DCAF8L2: variants seen among roughly 807,000 people sequenced by gnomAD.
The protein encoded by DCAF8L2 is DDB1- and CUL4-associated factor 8-like protein 2.
For missense variants in DCAF8L2, 430 were observed against 490.7 expected (o/e 0.88, Z 1.17); for synonymous variants, 200 against 190.9 (o/e 1.05, Z -0.39).
intron 4 of DCAF8L2, among the ~76,000 whole-genome samples, chrX:27,737,594 C>A (rs1402613345): frequency 1.8e-5 from 2 of 111,801 alleles, no homozygotes; most frequent in African/African-American, 6.5e-5. Flanking sequence ...CTATGTCTAC[C>A]CCAAAACAGT....
intron 3 of DCAF8L2, among the ~76,000 whole-genome samples, chrX:27,680,230 A>G (rs947280357): frequency 2.7e-5 from 3 of 111,436 alleles, no homozygotes; most frequent in African/African-American, 9.8e-5. Flanking sequence ...ACAGAGCCTA[A>G]GAGTCGTCAT....
the DCAF8L2 span, among the ~76,000 whole-genome samples, chrX:27,476,609 A>G: frequency 1.8e-5 from 2 of 111,568 alleles, no homozygotes; most frequent in Non-Finnish European, 3.8e-5. Flanking sequence ...TTTTCACTCT[A>G]TGTGAATGTG....
intron 4 of DCAF8L2, among the ~76,000 whole-genome samples, chrX:27,733,914 A>C (rs1921373126): frequency 8.9e-6 from 1 of 111,904 alleles, no homozygotes; most frequent in Admixed American, 9.6e-5. Context: ...TACAACATTA[A>C]CAGAATAAAA....
At chrX:27,479,479 T>C in the DCAF8L2 span, among the ~76,000 whole-genome samples, 1 of 111,795 alleles carries the variant, frequency 8.9e-6, no homozygotes, top group African/African-American at 3.3e-5. Context: ...AATAGGTAAC[T>C]AATAAAGTCC....
At chrX:27,715,307 C>T (rs1319578336) in intron 3 of DCAF8L2, among the ~76,000 whole-genome samples, 2 of 100,205 alleles carry the variant, frequency 2.0e-5, no homozygotes, top group African/African-American at 7.7e-5. Context: ...GCGGAGCTTG[C>T]AGTGAGCCAA....
chrX:27,597,010 G>A (rs1447528763), intron 1 of DCAF8L2, among the ~76,000 whole-genome samples: 2 of 111,335 alleles, frequency 1.8e-5, no homozygotes, highest in Non-Finnish European at 3.8e-5. Flanking sequence ...GAACATTTTT[G>A]TGAGCATAAG....
intron 3 of DCAF8L2, among the ~76,000 whole-genome samples, chrX:27,701,576 T>A (rs1212066271): frequency 1.8e-5 from 2 of 110,600 alleles, no homozygotes; most frequent in Non-Finnish European, 3.8e-5. Flanking sequence ...ATATGAGAAA[T>A]CAATAAACAT....
At chrX:27,653,096 G>A (rs1929210014) in intron 2 of DCAF8L2, among the ~76,000 whole-genome samples, 2 of 111,726 alleles carry the variant, frequency 1.8e-5, no homozygotes, top group African/African-American at 6.5e-5. Context: ...GAGACCAGCT[G>A]TATGATATTT....
intron 3 of DCAF8L2, among the ~76,000 whole-genome samples, chrX:27,684,506 G>A (rs779777617): frequency 1.8e-5 from 2 of 111,822 alleles, no homozygotes; most frequent in South Asian, 3.7e-4. Context: ...ACAGGTGGAT[G>A]ATAAAAAAGA....
chrX:27,516,390 A>T, the DCAF8L2 span, among the ~76,000 whole-genome samples: 1 of 110,864 alleles, frequency 9.0e-6, no homozygotes, highest in Non-Finnish European at 1.9e-5. Context: ...TACTAAAATG[A>T]TTATGTAACT....
intron 4 of DCAF8L2, among the ~76,000 whole-genome samples, chrX:27,725,527 A>G (rs1225373844): frequency 9.0e-6 from 1 of 110,511 alleles, no homozygotes; most frequent in Admixed American, 9.7e-5. Flanking sequence ...CATTTTAACA[A>G]CATAATATAT....
At chrX:27,577,224 A>G in the DCAF8L2 span, among the ~76,000 whole-genome samples, 2 of 112,187 alleles carry the variant, frequency 1.8e-5, no homozygotes, top group African/African-American at 3.2e-5. Context: ...GTCAATTACA[A>G]TTAGAAAAGC....
At chrX:27,724,030 T>C (rs1157686532) in intron 4 of DCAF8L2, among the ~76,000 whole-genome samples, 1 of 110,838 alleles carries the variant, frequency 9.0e-6, no homozygotes, top group East Asian at 2.8e-4. Flanking sequence ...TATTTGCATA[T>C]ATTTGTATTA....
chrX:27,528,889 A>G, the DCAF8L2 span, among the ~76,000 whole-genome samples: 375 of 111,670 alleles, frequency 3.4e-3, 3 homozygotes, highest in African/African-American at 0.011. Context: ...AAAGTGCTAT[A>G]ACAACTAGTG....
chrX:27,502,322 A>AG, the DCAF8L2 span, among the ~76,000 whole-genome samples: 5 of 24,004 alleles, frequency 2.1e-4, no homozygotes, highest in African/African-American at 9.3e-4. Flanking sequence ...CTCTGTAAAA[A>AG]AAAAAAAAAA....
At chrX:27,705,404 C>T (rs780010516) in intron 3 of DCAF8L2, among the ~76,000 whole-genome samples, 1 of 111,820 alleles carries the variant, frequency 8.9e-6, no homozygotes, top group Admixed American at 9.5e-5. Context: ...TTTTACATTT[C>T]CACAAGCAAA....
the DCAF8L2 span, among the ~76,000 whole-genome samples, chrX:27,528,193 G>A: frequency 2.9e-5 from 3 of 105,228 alleles, no homozygotes; most frequent in Non-Finnish European, 5.8e-5. Flanking sequence ...AATGAAGAAT[G>A]GAAATGTAAT....
the DCAF8L2 span, among the ~76,000 whole-genome samples, chrX:27,482,796 C>T: frequency 1.8e-5 from 2 of 111,643 alleles, no homozygotes; most frequent in Non-Finnish European, 3.8e-5. Flanking sequence ...ATTCTAAACT[C>T]TTTTCTCTTT....
At chrX:27,549,633 G>A in the DCAF8L2 span, among the ~76,000 whole-genome samples, 1 of 111,574 alleles carries the variant, frequency 9.0e-6, no homozygotes, top group Admixed American at 9.5e-5. Flanking sequence ...ACTGAGGAGA[G>A]TAATGAAAGA....
Sources: allele counts gnomAD v4.1 joint callset (sites outside exome capture counted in the v4.1 genomes callset), GRCh38; gene constraint gnomAD v4.1.1; transcripts MANE v1.5; gene names NCBI Gene and HGNC (gene_info 2026-07-23, HGNC 2026-07-21).